Variants in CLCN2 observed in about 807,000 individuals in gnomAD.
The protein encoded by CLCN2 is chloride channel protein 2.
In CLCN2, 72 loss-of-function variants were observed where a neutral mutation model predicts 108.3. The observed-to-expected ratio is 0.66, with a 90% CI of 0.55 to 0.81. The LOEUF (loss-of-function observed/expected upper bound fraction) is 0.81. Among genes scored for constraint, CLCN2 ranks in the 30% least tolerant of loss-of-function variants. The pLI is 0.00. For missense variants in CLCN2, 1,048 were observed against 1,205.2 expected (o/e 0.87, Z 1.93); for synonymous variants, 471 against 467.1 (o/e 1.01, Z -0.11).
chr3:184,348,837 C>T (rs1192372421), intron 22 of CLCN2: 1 of 152,196 alleles, frequency 6.6e-6, no homozygotes, highest in Non-Finnish European at 1.5e-5. Context: ...AGTCACCAAG[C>T]CTTACCAATT....
chr3:184,355,165 T>C lies in CLCN2; in HGVS notation c.1327-192A>G. ...CAAGGGGAAGGACTCTGGAAGCAGA[T>C]GGCTTGGGTTCAGATCATCGCTCTG... On this transcript the variant is annotated intron_variant, in intron 12 of 23. Coordinates refer to ENST00000265593, the MANE Select transcript of CLCN2 (RefSeq NM_004366.6). This position sits in a 1 kb window ranked among gnomAD's most constrained non-coding sequence, Gnocchi z 6.3. The C allele has an allele frequency of 1.3e-6, 1 of 777,404 alleles. No individual in the cohort carries two copies. Among genetic ancestry groups the C allele is most frequent in the East Asian group, 2.7e-5 (1 of 37,300 alleles). 48.2% of individuals were successfully genotyped at this position (777,404 alleles called of 1,614,324 possible).
intron 22 of CLCN2, chr3:184,348,396 A>C (rs1190729903): frequency 6.7e-6 from 1 of 149,514 alleles, no homozygotes; most frequent in Non-Finnish European, 1.5e-5. Context: ...CTGAGTTGTG[A>C]GGATCACCTG....
At chr3:184,358,923 G>A in intron 2 of CLCN2, 52 bp downstream of exon 2, 1 of 1,613,356 alleles carries the variant, frequency 6.2e-7, no homozygotes, top group Admixed American at 1.7e-5. Flanking sequence ...AATGGCCTCT[G>A]CTTCCCTCAG....
rs149827415 is a variant in CLCN2 at position 184,353,309 on chromosome 3, T to C, written c.1969A>G (p.Thr657Ala). 1 of 1,613,296 alleles carries C rather than the reference T, an allele frequency of 6.2e-7. No homozygotes were observed. The highest frequency in any genetic ancestry group is 8.5e-7 in the Non-Finnish European group (1 of 1,179,914). Residue 657 changes from threonine (T) to alanine (A), a missense_variant, in exon 17 of 24, where the codon ACC becomes GCC. Coordinates refer to ENST00000265593, the MANE Select transcript of CLCN2 (RefSeq NM_004366.6). ...QHMQERRATQTSPLSDQEGPP... is the reference protein window; with the variant it reads ...QHMQERRATQASPLSDQEGPP... ...CCCTCCTGATCAGATAGTGGAGAGG[T>C]CTGGGTGGCTCTGCGCTCCTGCATG... is the stretch of plus-strand genomic sequence containing the variant.
At position 184,346,641 on chromosome 3, in the gene CLCN2, C is replaced by T; in HGVS notation, c.2662G>A (p.Gly888Ser). ...PHSRHGLPRE[G>S]SPSDSDDKCQ Reference sequence around the variant, plus strand: ...TTGTCGTCGCTGTCGGAAGGGCTGCCCTCCCGGGGGAGGCCATGACGGGAG... The same window carrying T: ...TTGTCGTCGCTGTCGGAAGGGCTGCTCTCCCGGGGGAGGCCATGACGGGAG... Residue 888 changes from glycine to serine, a missense_variant, in exon 24 of 24, where the codon GGC (glycine) becomes AGC (serine). Gly to Ser is a moderately conservative substitution (Grantham distance 56). Coordinates refer to ENST00000265593, the MANE Select transcript of CLCN2 (RefSeq NM_004366.6). This position sits in a 1 kb window ranked among gnomAD's most constrained non-coding sequence, Gnocchi z 6.0. 6.2e-7 allele frequency: 1 copy of T among 1,614,144 alleles called. No individual in the cohort carries two copies. The highest frequency in any genetic ancestry group is 1.1e-5 in the South Asian group (1 of 91,082).
chr3:184,352,876 A>G, intron 18 of CLCN2, 66 bp from the exon 19 acceptor site: 4 of 1,591,962 alleles, frequency 2.5e-6, no homozygotes, highest in Non-Finnish European at 3.4e-6. Flanking sequence ...CAGGAAAGGT[A>G]AGGAAGACAC....
chr3:184,346,854 C>G lies in CLCN2; in HGVS notation c.2503-54G>C. On this transcript the variant is annotated intron_variant, in intron 23 of 23. Transcript: ENST00000265593. The surrounding 1 kb of genome is among the most constrained non-coding windows in gnomAD (Gnocchi z 6.0). ...GACCCAGATGTCAGACTCCTCCCCG[C>G]CTTCCTCCCCAGGTGAGCTGGACAT... 6.2e-7 allele frequency: 1 copy of G among 1,612,508 alleles called. No homozygotes were observed. The highest frequency in any genetic ancestry group is 1.1e-5 in the South Asian group (1 of 91,050).
intron 10 of CLCN2, chr3:184,356,587 C>A: frequency 5.3e-6 from 1 of 187,812 alleles, no homozygotes; most frequent in Non-Finnish European, 1.1e-5. Context: ...TGCGGTGAGC[C>A]GAGATCGCAC....
At chr3:184,347,063 G>A in intron 22 of CLCN2, 42 bp from the exon 23 acceptor site, 2 of 1,552,032 alleles carry the variant, frequency 1.3e-6, no homozygotes, top group Non-Finnish European at 1.8e-6. Flanking sequence ...GATGGACGAG[G>A]GGCAGCTCTA....
chr3:184,353,562 C>T lies in CLCN2; in HGVS notation c.1855+100G>A, dbSNP rs188305706. Reference sequence around the variant, plus strand: ...CCCACCTGGCAAGTGCTGGTCCATTCCCTTTGGAACCAAGGAGACTGGTCC... The same window carrying T: ...CCCACCTGGCAAGTGCTGGTCCATTTCCTTTGGAACCAAGGAGACTGGTCC... On this transcript the variant is annotated intron_variant, in intron 16 of 23. Transcript: ENST00000265593. The T allele has an allele frequency of 1.0e-3, 1,646 of 1,569,978 alleles. 3 individuals are homozygous for T. Among genetic ancestry groups the T allele is most frequent in the Non-Finnish European group, 1.3e-3 (1,501 of 1,156,182 alleles).
chr3:184,358,795 T>G lies in CLCN2; in HGVS notation c.239A>C (p.His80Pro), dbSNP rs1466294902. ...ARCRVCSVRC[H>P]KFLVSRVGED... ...ACCAACCCTGGATACTAGGAACTTG[T>G]GGCAGCGGACAGAACAGACTGGGTG... is the stretch of plus-strand genomic sequence containing the variant. Residue 80 changes from histidine (H) to proline (P), a missense_variant, in exon 3 of 24, where the codon CAC (histidine) becomes CCC (proline). Coordinates refer to ENST00000265593, the MANE Select transcript of CLCN2 (RefSeq NM_004366.6). 6.2e-7 allele frequency: 1 copy of G among 1,613,674 alleles called. No homozygotes were observed. Among genetic ancestry groups the G allele is most frequent in the Non-Finnish European group, 8.5e-7 (1 of 1,179,816 alleles).
At position 184,354,350 on chromosome 3, in the gene CLCN2, C is replaced by T. The variant is rs1406145944; in HGVS notation, c.1508-36G>A. ...TCACACTCAGTCTCCTCAGGGTGCC[C>T]AGGTCCCAGAAGACCCTCCACAACC... On this transcript the variant is annotated intron_variant, in intron 14 of 23. Coordinates refer to ENST00000265593, the MANE Select transcript of CLCN2 (RefSeq NM_004366.6). 6.9e-6 allele frequency: 11 copies of T among 1,603,428 alleles called. No homozygotes were observed. In the East Asian group the frequency reaches 2.5e-4, roughly 36 times the overall value.
In CLCN2 at chr3:184,358,504, C is replaced by A. The variant is rs562900371; in HGVS notation, c.352+178G>T. On this transcript the variant is annotated intron_variant, in intron 3 of 23. Transcript: ENST00000265593. Reference sequence around the variant, plus strand: ...AAGAGGATCACTTGGAGAGGGGATGCAAGAAGCTGTGCCCTGTGGGAGTGG... The same window carrying A: ...AAGAGGATCACTTGGAGAGGGGATGAAAGAAGCTGTGCCCTGTGGGAGTGG... The A allele has an allele frequency of 3.7e-5, 41 of 1,100,316 alleles. No homozygotes were observed. In the African/African-American group the frequency reaches 5.3e-4, roughly 14 times the overall value. 68.2% of individuals were successfully genotyped at this position (1,100,316 alleles called of 1,614,324 possible).
At chr3:184,353,961 C>T (rs1011470028) in intron 15 of CLCN2, 140 bp downstream of exon 15, 9 of 1,336,080 alleles carry the variant, frequency 6.7e-6, no homozygotes, top group African/African-American at 5.8e-5. Flanking sequence ...GGGCCAGCTA[C>T]AGCCCCTCCA....
At chr3:184,356,828 C>A in intron 10 of CLCN2, 165 bp downstream of exon 10, 1 of 651,914 alleles carries the variant, frequency 1.5e-6, no homozygotes, top group South Asian at 1.7e-5. Flanking sequence ...TCAGGTAATT[C>A]ATATGAATAT....
At chr3:184,353,632 C>A (rs777947732) in intron 16 of CLCN2, 30 bp downstream of exon 16, 2 of 1,611,056 alleles carry the variant, frequency 1.2e-6, no homozygotes, top group Admixed American at 3.3e-5. Context: ...GGGCAATGCC[C>A]CTAGCACCTG....
chr3:184,352,759 G>A lies in CLCN2; in HGVS notation c.2195C>T (p.Pro732Leu). 1 of 1,613,200 alleles carries A rather than the reference G, an allele frequency of 6.2e-7. No individual in the cohort carries two copies. The highest frequency in any genetic ancestry group is 1.7e-4 in the Middle Eastern group (1 of 6,060). ...CACCTCCGAAGCAGCCTCAGGGGGT[G>A]GACTGCCACAGAAGAGGCTCCGGAG... ...IALRSLFCGS[P>L]PPEAASEKLE... The change falls in exon 19 of 24, where the codon CCA becomes CTA. Residue 732 changes from proline (P) to leucine (L), a missense_variant. By Grantham distance (98) the Pro-to-Leu change is moderately conservative. Coordinates refer to ENST00000265593, the MANE Select transcript of CLCN2 (RefSeq NM_004366.6).
rs148639484 is a variant in CLCN2 at position 184,351,583 on chromosome 3, C to G, written c.2415+430G>C. Among the ~76,000 whole-genome samples the G allele has an allele frequency of 2.1e-4, 32 of 152,340 alleles. No individual in the cohort carries two copies. In the East Asian group the frequency reaches 6.2e-3, roughly 29 times the overall value. On this transcript the variant is annotated intron_variant, in intron 22 of 23. Transcript: ENST00000265593. The stretch of plus-strand genomic sequence containing the variant: ...TTATCTCTACTCTGCAGTCTCCCCA[C>G]CCCTACTTGGATGTTTGTTGGCTTG...
chr3:184,356,313 G>A (rs1728541158), intron 10 of CLCN2: 1 of 186,208 alleles, frequency 5.4e-6, no homozygotes, highest in Non-Finnish European at 1.1e-5. Flanking sequence ...CAATCCTCAG[G>A]GTCACACTGA....
Sources: gnomAD v4.1 joint callset for allele counts (sites outside exome capture counted in the v4.1 genomes callset) on GRCh38, gnomAD v4.1.1 for gene constraint, Gnocchi (gnomAD v3.1) non-coding constraint, MANE v1.5 for transcripts, NCBI Gene and HGNC (gene_info 2026-07-23, HGNC 2026-07-21) for gene names.